Variants in LRMDA observed in about 807,000 individuals in gnomAD.
LRMDA encodes leucine-rich melanocyte differentiation-associated protein.
Under a neutral mutation model 29.8 loss-of-function variants are expected in LRMDA, and 18 were observed. The observed-to-expected ratio is 0.60, with a 90% CI of 0.42 to 0.90. The LOEUF is 0.90. Among genes scored for constraint, LRMDA ranks in the 40% least tolerant of loss-of-function variants. The pLI, the probability that LRMDA is intolerant of heterozygous loss-of-function variation, is 0.00. For synonymous variants in LRMDA, 125 were observed against 109.4 expected, an observed-to-expected ratio of 1.14 and a Z score of -0.89; for missense variants, 273 against 273.9, an observed-to-expected ratio of 1.00 and a Z score of 0.02.
intron 2 of LRMDA, among the ~76,000 whole-genome samples, chr10:75,917,122 A>G (rs1443669600): frequency 3.3e-5 from 5 of 152,228 alleles, no homozygotes; most frequent in Admixed American, 2.6e-4. Context: ...CTCTGCCAAG[A>G]AGGAGGAGCA....
intron 2 of LRMDA, among the ~76,000 whole-genome samples, chr10:75,620,422 A>G (rs543459478): frequency 1.3e-5 from 2 of 152,222 alleles, no homozygotes; most frequent in South Asian, 4.2e-4. Flanking sequence ...GCTGATTGTT[A>G]TTGGTTCTGC....
intron 6 of LRMDA, among the ~76,000 whole-genome samples, chr10:76,447,884 C>T (rs941848124): frequency 6.6e-6 from 1 of 152,100 alleles, no homozygotes; most frequent in African/African-American, 2.4e-5. Context: ...TGTTTCAGTA[C>T]TTTTCCAGTG....
chr10:75,928,008 T>C (rs1297196418), intron 2 of LRMDA, among the ~76,000 whole-genome samples: 1 of 152,152 alleles, frequency 6.6e-6, no homozygotes, highest in Non-Finnish European at 1.5e-5. Flanking sequence ...GCACAGCACC[T>C]GTATGTGATA....
chr10:75,742,889 A>T (rs1842847227), intron 2 of LRMDA: 1 of 152,234 alleles, frequency 6.6e-6, no homozygotes, highest in African/African-American at 2.4e-5. Context: ...CCAAGGTGAG[A>T]ATCACTTTAA....
At chr10:75,926,460 G>A (rs1331983600) in intron 2 of LRMDA, among the ~76,000 whole-genome samples, 2 of 152,204 alleles carry the variant, frequency 1.3e-5, no homozygotes, top group Non-Finnish European at 2.9e-5. Context: ...GTTATAGTAA[G>A]CCGGTTTCCA....
intron 2 of LRMDA, among the ~76,000 whole-genome samples, chr10:75,778,912 A>G (rs914984763): frequency 2.6e-5 from 4 of 152,198 alleles, no homozygotes; most frequent in Admixed American, 6.5e-5. Flanking sequence ...GTAGGAATAA[A>G]TTGGCCTATT....
intron 2 of LRMDA, among the ~76,000 whole-genome samples, chr10:75,507,882 T>A (rs1182931216): frequency 6.6e-6 from 1 of 152,192 alleles, no homozygotes; most frequent in Non-Finnish European, 1.5e-5. Flanking sequence ...ATTTCCCTTT[T>A]CTTCCTGAGG....
intron 5 of LRMDA, among the ~76,000 whole-genome samples, chr10:76,092,842 T>C (rs11001612): frequency 0.42 from 63,263 of 152,044 alleles, 13,688 homozygotes; most frequent in Non-Finnish European, 0.44. Flanking sequence ...CAAGTGTGAA[T>C]CTTGAAGAAT....
intron 5 of LRMDA, among the ~76,000 whole-genome samples, chr10:76,294,834 C>T (rs572965558): frequency 8.5e-5 from 13 of 152,146 alleles, no homozygotes; most frequent in African/African-American, 2.4e-4. Context: ...TATATACCAG[C>T]GTAGACTATA....
intron 6 of LRMDA, among the ~76,000 whole-genome samples, chr10:76,486,967 A>G (rs1842788340): frequency 6.6e-6 from 1 of 151,948 alleles, no homozygotes; most frequent in Admixed American, 6.6e-5. Context: ...CAACTAATAA[A>G]GATGCTAAAG....
intron 2 of LRMDA, among the ~76,000 whole-genome samples, chr10:75,742,177 G>T (rs1029862289): frequency 2.0e-5 from 3 of 152,204 alleles, no homozygotes; most frequent in Non-Finnish European, 2.9e-5. Context: ...TAAGATGCAC[G>T]TTCCTTGCTC....
At chr10:76,466,418 CA>C (rs368537752) in intron 6 of LRMDA, among the ~76,000 whole-genome samples, 36 of 152,020 alleles carry the variant, frequency 2.4e-4, no homozygotes, top group African/African-American at 8.7e-4. Flanking sequence ...TGTCCGCTGG[CA>C]AAAAAGAAGT....
At chr10:76,272,688 A>G (rs1038693380) in intron 5 of LRMDA, among the ~76,000 whole-genome samples, 9 of 152,166 alleles carry the variant, frequency 5.9e-5, no homozygotes, top group African/African-American at 2.2e-4. Flanking sequence ...TCACACTGCT[A>G]TAAAGATACT....
intron 5 of LRMDA, among the ~76,000 whole-genome samples, chr10:76,091,309 G>GTC (rs1849229060): frequency 6.7e-6 from 1 of 148,886 alleles, no homozygotes; most frequent in African/African-American, 2.6e-5. Context: ...GTGTGTGTGT[G>GTC]TGTGTGTGTC....
chr10:76,068,403 C>T (rs1848821162), intron 5 of LRMDA, among the ~76,000 whole-genome samples: 1 of 152,018 alleles, frequency 6.6e-6, no homozygotes, highest in African/African-American at 2.4e-5. Context: ...TTTTGGAAGA[C>T]AATTATTCCA....
chr10:76,543,694 C>A (rs760095371), intron 6 of LRMDA, among the ~76,000 whole-genome samples: 1 of 152,168 alleles, frequency 6.6e-6, no homozygotes, highest in Non-Finnish European at 1.5e-5. Context: ...ACATGCAGTA[C>A]TCCTAGAGAG....
At chr10:75,440,640 A>G (rs1322547706) in intron 2 of LRMDA, among the ~76,000 whole-genome samples, 1 of 152,188 alleles carries the variant, frequency 6.6e-6, no homozygotes, top group Non-Finnish European at 1.5e-5. Flanking sequence ...CTTGGGTGTT[A>G]GAAGAAGATT....
intron 2 of LRMDA, among the ~76,000 whole-genome samples, chr10:75,945,941 A>G (rs1846468838): frequency 6.6e-6 from 1 of 152,204 alleles, no homozygotes; most frequent in African/African-American, 2.4e-5. Flanking sequence ...ATTTTCAACT[A>G]GAACTAAGGT....
At chr10:75,618,002 G>A (rs1473092357) in intron 2 of LRMDA, among the ~76,000 whole-genome samples, 3 of 152,182 alleles carry the variant, frequency 2.0e-5, no homozygotes, top group African/African-American at 4.8e-5. Context: ...AAGACAGGAT[G>A]AAGTGATGAA....
Sources: gnomAD v4.1 joint callset for allele counts (sites outside exome capture counted in the v4.1 genomes callset) on GRCh38, gnomAD v4.1.1 for gene constraint, MANE v1.5 for transcripts, NCBI Gene and HGNC (gene_info 2026-07-23, HGNC 2026-07-21) for gene names.